Variants in CSMD1 observed in about 807,000 individuals in gnomAD.
CSMD1 encodes the protein CUB and sushi domain-containing protein 1.
A neutral mutation model predicts 417.5 loss-of-function variants in CSMD1; 213 were observed. The observed-to-expected ratio is 0.51, with a 90% CI of 0.46 to 0.57. The LOEUF (loss-of-function observed/expected upper bound fraction) is 0.57, where lower values mean the gene tolerates loss of function less well. Ranked by LOEUF, CSMD1 falls within the 20% of genes least tolerant of loss-of-function variation. CSMD1 has a pLI of 0.00. For synonymous variants in CSMD1, 2,862 were observed against 1,736.8 expected (o/e 1.65, Z -16.11); for missense variants, 6,923 against 4,529.7 (o/e 1.53, Z -15.17).
At chr8:3,837,264 C>G (rs921517463) in intron 5 of CSMD1, among the ~76,000 whole-genome samples, 1 of 152,094 alleles carries the variant, frequency 6.6e-6, no homozygotes, top group Non-Finnish European at 1.5e-5. Context: ...TTTGTAATAT[C>G]ATTTTATTAG....
chr8:4,723,795 A>AC (rs1554457680), intron 1 of CSMD1, among the ~76,000 whole-genome samples: 4 of 146,274 alleles, frequency 2.7e-5, no homozygotes, highest in Admixed American at 2.0e-4. Context: ...TGTAAAAAAA[A>AC]AAAAACAAAA....
intron 37 of CSMD1, among the ~76,000 whole-genome samples, chr8:3,166,426 C>T (rs545308466): frequency 4.6e-5 from 7 of 151,930 alleles, no homozygotes; most frequent in African/African-American, 9.7e-5. Context: ...CCCACCTACT[C>T]GGGAGGCTGA....
chr8:4,412,792 ATTATTT>A lies in CSMD1; in HGVS notation c.415+7155_415+7160del, dbSNP rs149640310. 8.2e-3 allele frequency among the ~76,000 whole-genome samples: 1,250 copies of A among 152,318 alleles called. 12 individuals are homozygous for A. The highest frequency in any genetic ancestry group is 0.028 in the African/African-American group (1,146 of 41,570). On this transcript the variant is annotated intron_variant, in intron 3 of 69. Transcript: ENST00000635120. ...ATACCTATACTGATATGACAGTTTT[ATTATTT>A]TTATTTAACTCACTCTAGGCCTGTA...
rs1378167909 is a variant in CSMD1, at chr8:3,188,960, C to T, written c.5450G>A (p.Gly1817Asp). The part of the protein sequence containing the change: ...TQRRGTILSP[G>D]YPEPYGNNLN... ...GTTGTTTCCGTATGGCTCAGGGTAG[C>T]CGGGGGACAGGATTGTACCTCTTCG... The change falls in exon 35 of 70, where the codon GGC becomes GAC. Residue 1817 changes from glycine to aspartate, a missense_variant. Physicochemically the swap from Gly to Asp is moderately conservative, Grantham distance 94 (BLOSUM62 -1). Coordinates refer to ENST00000635120, the MANE Select transcript of CSMD1 (RefSeq NM_033225.6). 2.5e-6 allele frequency: 4 copies of T among 1,613,082 alleles called. No individual in the cohort carries two copies. The highest frequency in any genetic ancestry group is 3.4e-6 in the Non-Finnish European group (4 of 1,179,562).
chr8:4,731,912 G>A, intron 1 of CSMD1, among the ~76,000 whole-genome samples: 1 of 151,924 alleles, frequency 6.6e-6, no homozygotes, highest in East Asian at 1.9e-4. Context: ...TTCTTATAGG[G>A]CCAAAGATAA....
rs990331301 is a variant in CSMD1 at position 4,133,573 on chromosome 8, T to G, written c.416-101474A>C. On this transcript the variant is annotated intron_variant, in intron 3 of 69. Coordinates refer to ENST00000635120, the MANE Select transcript of CSMD1 (RefSeq NM_033225.6). Reference sequence around the variant, plus strand: ...AAGGGTTTTGTAGGAAAGCCGTGCATTAACGCCGATATGTGTAATAAACAC... The same window carrying G: ...AAGGGTTTTGTAGGAAAGCCGTGCAGTAACGCCGATATGTGTAATAAACAC... Among the ~76,000 whole-genome samples the G allele has an allele frequency of 2.6e-5, 4 of 152,204 alleles. No individual in the cohort carries two copies. The East Asian group carries it at 7.7e-4, about 29-fold the overall frequency.
At chr8:3,362,758 G>A (rs1446273615) in intron 20 of CSMD1, among the ~76,000 whole-genome samples, 2 of 152,084 alleles carry the variant, frequency 1.3e-5, no homozygotes, top group Non-Finnish European at 2.9e-5. Flanking sequence ...TCATGCAGGT[G>A]CAAAATCTTG....
At chr8:3,311,826 A>T (rs985745923) in intron 23 of CSMD1, among the ~76,000 whole-genome samples, 4 of 152,090 alleles carry the variant, frequency 2.6e-5, no homozygotes, top group Non-Finnish European at 5.9e-5. Flanking sequence ...GTGTAATAAC[A>T]TTCATTTTCC....
At chr8:3,424,243 G>A (rs1464579034) in intron 12 of CSMD1, among the ~76,000 whole-genome samples, 3 of 152,110 alleles carry the variant, frequency 2.0e-5, no homozygotes, top group African/African-American at 2.4e-5. Context: ...AATACACCAT[G>A]ATTCAATTAG....
intron 2 of CSMD1, among the ~76,000 whole-genome samples, chr8:4,460,040 C>T (rs1799715304): frequency 2.0e-5 from 3 of 152,142 alleles, no homozygotes; most frequent in South Asian, 2.1e-4. Context: ...ATCTACAGAA[C>T]ATTCCAGCCA....
intron 5 of CSMD1, among the ~76,000 whole-genome samples, chr8:3,808,874 T>C (rs1400713914): frequency 6.6e-6 from 1 of 152,188 alleles, no homozygotes; most frequent in East Asian, 1.9e-4. Context: ...CAATGAGAAT[T>C]CTGAAGTCAT....
chr8:4,096,302 C>G (rs940473582), intron 3 of CSMD1, among the ~76,000 whole-genome samples: 1 of 152,038 alleles, frequency 6.6e-6, no homozygotes, highest in East Asian at 1.9e-4. Context: ...GCTAGGATCA[C>G]CACATTTGTC....
At chr8:3,965,527 A>G (rs1169523895) in intron 5 of CSMD1, among the ~76,000 whole-genome samples, 1 of 152,254 alleles carries the variant, frequency 6.6e-6, no homozygotes, top group East Asian at 1.9e-4. Flanking sequence ...CTGAAACAAT[A>G]GAGCCTGAAC....
intron 5 of CSMD1, among the ~76,000 whole-genome samples, chr8:3,828,165 A>G (rs1035057984): frequency 6.6e-6 from 1 of 152,136 alleles, no homozygotes; most frequent in African/African-American, 2.4e-5. Flanking sequence ...AACATTTACA[A>G]AGGCAATCCA....
intron 2 of CSMD1, among the ~76,000 whole-genome samples, chr8:4,460,631 T>C (rs996249413): frequency 7.9e-5 from 12 of 152,114 alleles, no homozygotes; most frequent in Admixed American, 2.6e-4. Flanking sequence ...TAGAGAATAT[T>C]ACTATGGACC....
intron 3 of CSMD1, among the ~76,000 whole-genome samples, chr8:4,232,889 G>T (rs1335887915): frequency 6.6e-6 from 1 of 152,042 alleles, no homozygotes; most frequent in Non-Finnish European, 1.5e-5. Context: ...AAGTGTAAAA[G>T]GAGGAAAAGG....
chr8:4,704,545 T>C (rs1037439507), intron 1 of CSMD1, among the ~76,000 whole-genome samples: 6 of 152,212 alleles, frequency 3.9e-5, no homozygotes, highest in African/African-American at 1.4e-4. Context: ...ATACAGAAAT[T>C]GACTGCTTTT....
intron 49 of CSMD1, among the ~76,000 whole-genome samples, chr8:3,079,940 T>A (rs552933575): frequency 2.3e-4 from 35 of 152,354 alleles, no homozygotes; most frequent in African/African-American, 7.5e-4. Context: ...TCCTTGGCCA[T>A]GCTATGTAGA....
At chr8:3,919,710 A>G (rs977381270) in intron 5 of CSMD1, among the ~76,000 whole-genome samples, 1 of 152,152 alleles carries the variant, frequency 6.6e-6, no homozygotes, top group African/African-American at 2.4e-5. Context: ...TTGAATCTGT[A>G]GATGACTTTG....
Sources: allele counts gnomAD v4.1 joint callset (sites outside exome capture counted in the v4.1 genomes callset), GRCh38; gene constraint gnomAD v4.1.1; transcripts MANE v1.5; gene names NCBI Gene and HGNC (gene_info 2026-07-23, HGNC 2026-07-21).